The following CSMD1 variants were observed in gnomAD, a reference collection of about 807,000 sequenced individuals.
The protein encoded by CSMD1 is CUB and Sushi multiple domains 1, also known as CUB and sushi domain-containing protein 1.
CSMD1 carries 213 observed loss-of-function variants against 417.5 expected under a neutral mutation model. The ratio of observed to expected loss-of-function variants is 0.51; its 90% CI spans 0.46 to 0.57. The LOEUF (loss-of-function observed/expected upper bound fraction) is 0.57. CSMD1 is among the 20% of genes least tolerant of loss of function. The pLI is 0.00. For missense variants in CSMD1, 6,923 were observed against 4,529.7 expected, an observed-to-expected ratio of 1.53 and a Z score of -15.17; for synonymous variants, 2,862 against 1,736.8, an observed-to-expected ratio of 1.65 and a Z score of -16.11.
At chr8:4,097,063 T>C (rs1249013425) in intron 3 of CSMD1, among the ~76,000 whole-genome samples, 1 of 152,176 alleles carries the variant, frequency 6.6e-6, no homozygotes, top group Non-Finnish European at 1.5e-5. Context: ...TTCATAAATG[T>C]TTACTCTTTA....
At chr8:4,194,944 C>A (rs1799243826) in intron 3 of CSMD1, among the ~76,000 whole-genome samples, 1 of 151,774 alleles carries the variant, frequency 6.6e-6, no homozygotes, top group Non-Finnish European at 1.5e-5. Context: ...TGATTAGTCC[C>A]CGGGTGAAAA....
intron 1 of CSMD1, among the ~76,000 whole-genome samples, chr8:4,669,498 C>T (rs1343391503): frequency 6.6e-6 from 1 of 152,140 alleles, no homozygotes; most frequent in Admixed American, 6.5e-5. Flanking sequence ...GTCATCTTTC[C>T]TTTCTGCCTA....
intron 3 of CSMD1, among the ~76,000 whole-genome samples, chr8:4,117,789 C>G (rs1231430657): frequency 7.2e-5 from 11 of 152,078 alleles, no homozygotes. Context: ...CAGAGAATGT[C>G]AGGCTCAGAA....
chr8:3,577,770 G>A (rs1387816718), intron 9 of CSMD1, among the ~76,000 whole-genome samples: 4 of 152,120 alleles, frequency 2.6e-5, no homozygotes, highest in Non-Finnish European at 5.9e-5. Flanking sequence ...CTAATCATCT[G>A]CTTCTTTACC....
intron 3 of CSMD1, among the ~76,000 whole-genome samples, chr8:4,103,921 G>A (rs1256703585): frequency 1.3e-5 from 2 of 152,166 alleles, no homozygotes; most frequent in African/African-American, 4.8e-5. Flanking sequence ...AAACAGCTTT[G>A]TGCCTGTGTT....
intron 3 of CSMD1, among the ~76,000 whole-genome samples, chr8:4,334,207 C>T (rs1800029754): frequency 6.6e-6 from 1 of 151,976 alleles, no homozygotes; most frequent in Non-Finnish European, 1.5e-5. Flanking sequence ...ATGCCTGGCC[C>T]TTAAAATTCT....
intron 3 of CSMD1, among the ~76,000 whole-genome samples, chr8:4,116,763 G>A (rs1349076502): frequency 2.6e-5 from 4 of 151,984 alleles, no homozygotes; most frequent in African/African-American, 9.7e-5. Flanking sequence ...CAGGGGGTGC[G>A]GGAAACTCTA....
At chr8:4,767,242 G>C (rs1438474152) in intron 1 of CSMD1, among the ~76,000 whole-genome samples, 1 of 152,202 alleles carries the variant, frequency 6.6e-6, no homozygotes, top group Non-Finnish European at 1.5e-5. Flanking sequence ...CCAAATGGAT[G>C]CAAGGTGAAA....
intron 3 of CSMD1, among the ~76,000 whole-genome samples, chr8:4,099,622 A>T (rs567120265): frequency 1.4e-4 from 22 of 152,284 alleles, no homozygotes; most frequent in African/African-American, 5.3e-4. Flanking sequence ...TTAAAAAAAA[A>T]AAACCTCACT....
chr8:3,781,263 C>A lies in CSMD1; in HGVS notation c.819-27221G>T, dbSNP rs185403045. On this transcript the variant is annotated intron_variant, in intron 5 of 69. Coordinates refer to ENST00000635120, the MANE Select transcript of CSMD1 (RefSeq NM_033225.6). Reference sequence around the variant, plus strand: ...TTGTGAATCAGAATGTGCACTACCACAGAGTACATGCCGAGAGAATATGGT... The same window carrying A: ...TTGTGAATCAGAATGTGCACTACCAAAGAGTACATGCCGAGAGAATATGGT... Among the ~76,000 whole-genome samples, 31 of 152,280 alleles carry A rather than the reference C, an allele frequency of 2.0e-4. No individual in the cohort carries two copies. In the East Asian group the frequency reaches 4.1e-3, roughly 20 times the overall value.
At chr8:3,023,964 C>T (rs959354339) in intron 51 of CSMD1, among the ~76,000 whole-genome samples, 1 of 151,946 alleles carries the variant, frequency 6.6e-6, no homozygotes, top group African/African-American at 2.4e-5. Flanking sequence ...TAGAGAGTGA[C>T]ACTGTGTATC....
At chr8:3,982,487 G>T (rs1385603233) in intron 5 of CSMD1, among the ~76,000 whole-genome samples, 1 of 151,928 alleles carries the variant, frequency 6.6e-6, no homozygotes, top group Non-Finnish European at 1.5e-5. Flanking sequence ...ACTCCATAAG[G>T]ACCAGAAAAA....
At chr8:4,194,096 T>G (rs903324673) in intron 3 of CSMD1, among the ~76,000 whole-genome samples, 2 of 152,096 alleles carry the variant, frequency 1.3e-5, no homozygotes, top group African/African-American at 2.4e-5. Flanking sequence ...ACTGTAAATG[T>G]TATGGTAGGC....
At chr8:4,088,405 C>G (rs1425789134) in intron 3 of CSMD1, among the ~76,000 whole-genome samples, 33 of 152,210 alleles carry the variant, frequency 2.2e-4, no homozygotes, top group Admixed American at 2.2e-3. Context: ...AACACCTTTT[C>G]TCAGGTTTCC....
intron 1 of CSMD1, among the ~76,000 whole-genome samples, chr8:4,924,301 G>T (rs761858834): frequency 1.2e-3 from 190 of 152,278 alleles, no homozygotes; most frequent in Non-Finnish European, 1.9e-3. Flanking sequence ...TTTCATCCCA[G>T]TATCCTAATT....
intron 11 of CSMD1, among the ~76,000 whole-genome samples, chr8:3,492,588 C>T (rs1037595232): frequency 6.6e-6 from 1 of 152,214 alleles, no homozygotes; most frequent in Admixed American, 6.5e-5. Context: ...AGTACACCCT[C>T]AAATCATTTT....
intron 3 of CSMD1, among the ~76,000 whole-genome samples, chr8:4,263,869 G>C (rs559316026): frequency 3.3e-5 from 5 of 152,140 alleles, no homozygotes; most frequent in Admixed American, 6.6e-5. Flanking sequence ...TTTGTGTTTT[G>C]ACCAGAATGC....
At chr8:3,600,197 T>C (rs1183538346) in intron 8 of CSMD1, among the ~76,000 whole-genome samples, 2 of 152,188 alleles carry the variant, frequency 1.3e-5, no homozygotes, top group Admixed American at 1.3e-4. Flanking sequence ...CCCGAATCTT[T>C]CCAGGTATCT....
chr8:3,268,287 CTATT>C lies in CSMD1; in HGVS notation c.4153+15853_4153+15856del, dbSNP rs1801582144. On this transcript the variant is annotated intron_variant, in intron 26 of 69. Transcript: ENST00000635120. ...AGGGTGTGGTCAGATGGTTCATTTC[CTATT>C]TTTTTTTTTTTTTTTTTTTTTTTGA... is the stretch of plus-strand genomic sequence containing the variant. 2.1e-4 allele frequency among the ~76,000 whole-genome samples: 24 copies of C among 114,658 alleles called. 2 individuals carry two copies. The highest frequency in any genetic ancestry group is 3.1e-4 in the Non-Finnish European group (18 of 58,090). The allele number at this position is 114,658 out of a possible 152,430, so 75.2% of individuals were successfully genotyped here. A position where few individuals can be genotyped will look rare whatever the true frequency, so the allele number is the denominator to read the frequency against.
Sources: allele counts gnomAD v4.1 joint callset (sites outside exome capture counted in the v4.1 genomes callset), GRCh38; gene constraint gnomAD v4.1.1; transcripts MANE v1.5; gene names NCBI Gene and HGNC (gene_info 2026-07-23, HGNC 2026-07-21).